The following RICTOR variants were observed in gnomAD, a reference collection of about 807,000 sequenced individuals.
The protein encoded by RICTOR is RPTOR independent companion of MTOR complex 2, also known as rapamycin-insensitive companion of mTOR.
A neutral mutation model predicts 214.9 loss-of-function variants in RICTOR; 49 were observed. The observed-to-expected ratio is 0.23, with a 90% confidence interval of 0.18 to 0.29. RICTOR has a LOEUF of 0.29. Among genes scored for constraint, RICTOR ranks in the 10% least tolerant of loss-of-function variants. The pLI, the probability that RICTOR is intolerant of heterozygous loss-of-function variation, is 1.00. For synonymous variants in RICTOR, 717 were observed against 711.3 expected, an observed-to-expected ratio of 1.01 and a Z score of -0.13; for missense variants, 1,625 against 2,047.0, an observed-to-expected ratio of 0.79 and a Z score of 3.98.
Position 38,944,611 on chromosome 5 carries a change from C to T in RICTOR, c.4790-42G>A, listed in dbSNP as rs774258892. On this transcript the variant is annotated intron_variant, in intron 35 of 37. Transcript: ENST00000357387. ...GAGAAGTTAAATATTATCTATGTCA[C>T]AATAAAATGATTAAAACTCATGAAA... is the stretch of plus-strand genomic sequence containing the variant. 12 of 1,494,670 alleles carry T rather than the reference C, an allele frequency of 8.0e-6. No homozygotes were observed. In the Admixed American group the frequency reaches 1.1e-4, roughly 13 times the overall value. The allele number at this position is 1,494,670 out of a possible 1,614,324, so 92.6% of individuals were successfully genotyped here.
chr5:39,064,158 T>C (rs1251325787), intron 2 of RICTOR, among the ~76,000 whole-genome samples: 1 of 152,226 alleles, frequency 6.6e-6, no homozygotes, highest in Non-Finnish European at 1.5e-5. Context: ...TTTACTTTTA[T>C]GTCTGTAATT....
At chr5:39,064,737 C>A (rs1561081932) in intron 2 of RICTOR, among the ~76,000 whole-genome samples, 3 of 152,118 alleles carry the variant, frequency 2.0e-5, no homozygotes, top group African/African-American at 7.2e-5. Flanking sequence ...TATGAAATAC[C>A]ACCACTCCTA....
intron 5 of RICTOR, among the ~76,000 whole-genome samples, chr5:39,000,483 TA>T (rs1325245220): frequency 6.6e-6 from 1 of 151,984 alleles, no homozygotes; most frequent in Admixed American, 6.5e-5. Flanking sequence ...GGTGTTTATT[TA>T]AAGAATGCAA....
chr5:38,978,633 A>G lies in RICTOR; in HGVS notation c.771T>C (p.Tyr257=), dbSNP rs767592724. 1 of 1,543,940 alleles carries G rather than the reference A, an allele frequency of 6.5e-7. No homozygotes were observed. The highest frequency in any genetic ancestry group is 8.9e-7 in the Non-Finnish European group (1 of 1,125,264). Residue 257 remains tyrosine, a synonymous_variant, in exon 9 of 38, where the codon TAT becomes TAC. Coordinates refer to ENST00000357387, the MANE Select transcript of RICTOR (RefSeq NM_152756.5). ...GACTATGTCTGTAGTGAAAATCAGT[A>G]TAGGGTGCTAAAATTCTCTATTTAA... is the stretch of plus-strand genomic sequence containing the variant. The part of the protein sequence containing the change: ...DVELERILAP[Y]TDFHYRHSPD...
chr5:38,950,011 G>A lies in RICTOR; in HGVS notation c.3837C>T (p.Leu1279=), dbSNP rs1418320263. 1 of 1,613,530 alleles carries A rather than the reference G, an allele frequency of 6.2e-7. No individual in the cohort carries two copies. The highest frequency in any genetic ancestry group is 8.5e-7 in the Non-Finnish European group (1 of 1,179,628). ...CCAGGGACACCGAATTTGATTTGGA[G>A]AGAGACAGATGGTTAGACTGTGGCG... ...YLTPQSNHLS[L]SKSNSVSLVP... The change falls in exon 31 of 38, where the codon CTC becomes CTT. Residue 1279 remains leucine (L), a synonymous_variant. Transcript: ENST00000357387.
At chr5:39,071,060 G>A (rs1759286236) in intron 2 of RICTOR, among the ~76,000 whole-genome samples, 1 of 152,120 alleles carries the variant, frequency 6.6e-6, no homozygotes, top group South Asian at 2.1e-4. Flanking sequence ...ATGAACCACA[G>A]CACTAACACA....
intron 16 of RICTOR, among the ~76,000 whole-genome samples, chr5:38,964,444 T>C (rs1315648195): frequency 6.6e-6 from 1 of 151,828 alleles, no homozygotes; most frequent in African/African-American, 2.4e-5. Flanking sequence ...TGTAAAGCTT[T>C]ATTTGAAATA....
chr5:39,048,402 C>G (rs1033223000), intron 2 of RICTOR, among the ~76,000 whole-genome samples: 2 of 152,168 alleles, frequency 1.3e-5, no homozygotes, highest in African/African-American at 4.8e-5. Flanking sequence ...TTTATACTAA[C>G]AATATGTTTT....
intron 2 of RICTOR, among the ~76,000 whole-genome samples, chr5:39,050,193 T>TAA (rs1757747384): frequency 6.8e-6 from 1 of 146,656 alleles, no homozygotes; most frequent in African/African-American, 2.5e-5. Flanking sequence ...AACAAATAAA[T>TAA]AAATAAATAT....
intron 4 of RICTOR, 151 bp downstream of exon 4, chr5:39,003,407 T>A (rs1753795078): frequency 2.0e-6 from 1 of 504,476 alleles, no homozygotes; most frequent in African/African-American, 2.0e-5. Flanking sequence ...ACAAAACTAC[T>A]GTAGCTCTTA....
intron 12 of RICTOR, 147 bp from the exon 13 acceptor site, chr5:38,967,574 T>G: frequency 1.6e-6 from 1 of 621,676 alleles, no homozygotes; most frequent in Admixed American, 3.3e-5. Flanking sequence ...AGACAAAAAT[T>G]AGTTATGTAA....
chr5:39,040,958 TATC>T (rs1253344362), intron 2 of RICTOR, among the ~76,000 whole-genome samples: 1 of 152,114 alleles, frequency 6.6e-6, no homozygotes, highest in African/African-American at 2.4e-5. Context: ...AGGTAGTAAA[TATC>T]ATGCAAATAA....
Position 38,939,126 on chromosome 5 carries a change from G to T in RICTOR, c.*3178C>A, listed in dbSNP as rs183349542. The T allele has an allele frequency of 2.9e-4, 68 of 233,000 alleles. 1 individual carries two copies. The highest frequency in any genetic ancestry group is 2.6e-3 in the East Asian group (42 of 16,408). The allele number at this position is 233,000 out of a possible 1,614,324, so 14.4% of individuals were successfully genotyped here. On this transcript the variant is annotated 3_prime_UTR_variant, in exon 38 of 38. Transcript: ENST00000357387. Reference sequence around the variant, plus strand: ...GACAATTTGGTTTTTATTGCTTAATGATCTGTGCTTTAATGTGGGGATAAA... The same window carrying T: ...GACAATTTGGTTTTTATTGCTTAATTATCTGTGCTTTAATGTGGGGATAAA...
At chr5:39,068,560 GTGTTT>G (rs777328596) in intron 2 of RICTOR, among the ~76,000 whole-genome samples, 4 of 152,196 alleles carry the variant, frequency 2.6e-5, no homozygotes, top group Non-Finnish European at 1.5e-5. Context: ...ATGTGTGTAT[GTGTTT>G]TGTTTTGTTT....
intron 8 of RICTOR, 50 bp downstream of exon 8, chr5:38,981,817 T>C (rs372603945): frequency 8.1e-5 from 103 of 1,278,004 alleles, no homozygotes; most frequent in Non-Finnish European, 1.0e-4. Flanking sequence ...AGTAAAAGTA[T>C]ACATTTATAA....
chr5:38,942,171 C>T lies in RICTOR; in HGVS notation c.*133G>A. On this transcript the variant is annotated 3_prime_UTR_variant, in exon 38 of 38. Transcript: ENST00000357387. ...TCAGCAGTTCCAACTGTTCATGTAC[C>T]AGTAACTGCGGAACAGTGTACAGAA... is the stretch of plus-strand genomic sequence containing the variant. 2.1e-6 allele frequency: 1 copy of T among 477,456 alleles called. No homozygotes were observed. The highest frequency in any genetic ancestry group is 3.8e-6 in the Non-Finnish European group (1 of 262,116). 29.6% of individuals were successfully genotyped at this position (477,456 alleles called of 1,614,324 possible).
At chr5:39,053,177 T>C (rs1757965353) in intron 2 of RICTOR, among the ~76,000 whole-genome samples, 1 of 152,196 alleles carries the variant, frequency 6.6e-6, no homozygotes, top group African/African-American at 2.4e-5. Flanking sequence ...CCAATAAAAC[T>C]TTCTCTGGAA....
chr5:38,967,852 T>A, intron 12 of RICTOR, 91 bp downstream of exon 12: 1 of 646,776 alleles, frequency 1.5e-6, no homozygotes, highest in Non-Finnish European at 2.8e-6. Context: ...AAAATAGTGT[T>A]CAATAATTTA....
At chr5:39,052,024 C>G (rs1389235149) in intron 2 of RICTOR, among the ~76,000 whole-genome samples, 1 of 152,094 alleles carries the variant, frequency 6.6e-6, no homozygotes. Flanking sequence ...GTAGGATACT[C>G]CTTCATAATG....
Sources: gnomAD v4.1 joint callset for allele counts (sites outside exome capture counted in the v4.1 genomes callset) on GRCh38, gnomAD v4.1.1 for gene constraint, MANE v1.5 for transcripts, NCBI Gene and HGNC (gene_info 2026-07-23, HGNC 2026-07-21) for gene names.